AGPS: variants seen among roughly 807,000 people sequenced by gnomAD.
AGPS encodes the protein alkyldihydroxyacetonephosphate synthase, peroxisomal.
In AGPS, 26 loss-of-function variants were observed where a neutral mutation model predicts 90.7. The observed-to-expected ratio is 0.29, with a 90% CI of 0.21 to 0.40. The LOEUF (loss-of-function observed/expected upper bound fraction) is 0.40, where lower values mean the gene tolerates loss of function less well. Among genes scored for constraint, AGPS ranks in the 10% least tolerant of loss-of-function variants. AGPS has a pLI of 1.00. For synonymous variants in AGPS, 294 were observed against 285.3 expected (o/e 1.03, Z -0.31); for missense variants, 540 against 816.1 (o/e 0.66, Z 4.12).
intron 19 of AGPS, among the ~76,000 whole-genome samples, chr2:177,535,894 G>A (rs1002344502): frequency 1.3e-5 from 2 of 151,872 alleles, no homozygotes; most frequent in Admixed American, 6.6e-5. Context: ...TTTGTTGGCC[G>A]TACTGCCCTT....
chr2:177,471,944 G>A (rs1687635953), intron 10 of AGPS, among the ~76,000 whole-genome samples: 1 of 151,888 alleles, frequency 6.6e-6, no homozygotes, highest in African/African-American at 2.4e-5. Context: ...TTTTTGCCTG[G>A]AGGCCTTGAG....
chr2:177,491,270 AATTTTT>A (rs1688250836), intron 11 of AGPS, among the ~76,000 whole-genome samples: 1 of 45,362 alleles, frequency 2.2e-5, no homozygotes, highest in Admixed American at 3.2e-4. Flanking sequence ...AATCAGTAGG[AATTTTT>A]TTTTTTTTGA....
At chr2:177,532,621 C>G (rs1161062855) in intron 19 of AGPS, among the ~76,000 whole-genome samples, 1 of 152,060 alleles carries the variant, frequency 6.6e-6, no homozygotes, top group Non-Finnish European at 1.5e-5. Context: ...GCATTTGTAC[C>G]AGAGAAATGA....
Position 177,436,903 on chromosome 2 carries a change from G to A in AGPS, c.562+19G>A. The A allele has an allele frequency of 1.2e-6, 2 of 1,611,544 alleles. No individual in the cohort carries two copies. Among genetic ancestry groups the A allele is most frequent in the African/African-American group, 1.3e-5 (1 of 74,870 alleles). On this transcript the variant is annotated intron_variant, in intron 4 of 19. Transcript: ENST00000264167. ...GCTCATGGTAAGTTACTTTATATTA[G>A]CCCTATTTATTTTTAACAAAAAAAT...
chr2:177,492,677 C>A (rs1213463834), intron 11 of AGPS, among the ~76,000 whole-genome samples: 1 of 152,106 alleles, frequency 6.6e-6, no homozygotes, highest in Non-Finnish European at 1.5e-5. Flanking sequence ...TGTGGTTTGC[C>A]TGAAATAGTG....
At position 177,468,517 on chromosome 2, in the gene AGPS, A is replaced by C; in HGVS notation, c.1098A>C (p.Gly366=). Residue 366 remains glycine (G), a synonymous_variant, in exon 10 of 20, where the codon GGA becomes GGC. Coordinates refer to ENST00000264167, the MANE Select transcript of AGPS (RefSeq NM_003659.4). The stretch of plus-strand genomic sequence containing the variant: ...CTGATATCCATCACTTCATCATGGG[A>C]TCTGAAGGTAAATATAACTGTAAAT... The part of the protein sequence containing the change: ...TGPDIHHFIM[G]SEGTLGVITE... 6.2e-7 allele frequency: 1 copy of C among 1,606,670 alleles called. No individual in the cohort carries two copies. Among genetic ancestry groups the C allele is most frequent in the Non-Finnish European group, 8.5e-7 (1 of 1,173,736 alleles).
intron 2 of AGPS, among the ~76,000 whole-genome samples, chr2:177,429,126 T>C (rs1469129802): frequency 6.6e-6 from 1 of 152,192 alleles, no homozygotes; most frequent in Non-Finnish European, 1.5e-5. Context: ...GATTGCATTG[T>C]GAATTTCTTG....
chr2:177,396,386 T>C (rs887438056), intron 1 of AGPS, among the ~76,000 whole-genome samples: 1 of 152,194 alleles, frequency 6.6e-6, no homozygotes, highest in Non-Finnish European at 1.5e-5. Flanking sequence ...ATGGAACTTA[T>C]ATTCTAGCTG....
intron 16 of AGPS, among the ~76,000 whole-genome samples, chr2:177,509,395 G>C (rs1211509824): frequency 6.6e-6 from 1 of 152,130 alleles, no homozygotes; most frequent in Admixed American, 6.5e-5. Flanking sequence ...GGCTGGGCGC[G>C]GTGGCTCACG....
rs542886968 is a variant in AGPS at position 177,459,659 on chromosome 2, C to A, written c.871-2234C>A. ...GTTAGAATGGCAATCATTAAAAAAT[C>A]AAGAAACAACATATGCTGGAGAGGT... On this transcript the variant is annotated intron_variant, in intron 8 of 19. Coordinates refer to ENST00000264167, the MANE Select transcript of AGPS (RefSeq NM_003659.4). 7.2e-5 allele frequency among the ~76,000 whole-genome samples: 11 copies of A among 152,258 alleles called. No individual in the cohort carries two copies. In the East Asian group the frequency reaches 1.2e-3, roughly 16 times the overall value.
chr2:177,456,713 G>A (rs1016158228), intron 8 of AGPS, among the ~76,000 whole-genome samples: 74 of 152,004 alleles, frequency 4.9e-4, no homozygotes, highest in Admixed American at 1.7e-3. Context: ...CAAATTAATC[G>A]TATATATAAT....
At chr2:177,436,193 T>G (rs926674389) in intron 3 of AGPS, among the ~76,000 whole-genome samples, 1 of 120,028 alleles carries the variant, frequency 8.3e-6, no homozygotes, top group Non-Finnish European at 1.6e-5. Context: ...CAGAGCTCTG[T>G]CGCTCTGGAG....
chr2:177,469,120 T>A (rs1416810969), intron 10 of AGPS, among the ~76,000 whole-genome samples: 1 of 152,088 alleles, frequency 6.6e-6, no homozygotes, highest in Non-Finnish European at 1.5e-5. Context: ...AACCTTAAAA[T>A]AATTATTATG....
intron 1 of AGPS, among the ~76,000 whole-genome samples, chr2:177,418,420 C>T (rs111247573): frequency 1.3e-5 from 2 of 152,116 alleles, no homozygotes; most frequent in South Asian, 2.1e-4. Flanking sequence ...AAATGATTTT[C>T]GTTGTTAAGC....
In AGPS at chr2:177,538,226, A is replaced by T; in HGVS notation, c.*31A>T. The T allele has an allele frequency of 6.5e-7, 1 of 1,544,898 alleles. No individual in the cohort carries two copies. The highest frequency in any genetic ancestry group is 8.9e-7 in the Non-Finnish European group (1 of 1,127,320). On this transcript the variant is annotated 3_prime_UTR_variant, in exon 20 of 20. Coordinates refer to ENST00000264167, the MANE Select transcript of AGPS (RefSeq NM_003659.4). ...TTAGTACCATTACAAAAAAATGTCA[A>T]TTTTTTTTTTAAGTTTTCAACTGTG... is the stretch of plus-strand genomic sequence containing the variant.
chr2:177,521,227 A>G, intron 17 of AGPS, 42 bp from the exon 18 acceptor site: 1 of 1,524,600 alleles, frequency 6.6e-7, no homozygotes, highest in Non-Finnish European at 9.1e-7. Flanking sequence ...ATCTGATTTC[A>G]CTTAACTTAA....
rs536461905 is a variant in AGPS, at chr2:177,542,845, A to T, written c.*4650A>T. On this transcript the variant is annotated 3_prime_UTR_variant, in exon 20 of 20. Coordinates refer to ENST00000264167, the MANE Select transcript of AGPS (RefSeq NM_003659.4). ...CAAAAGCTCACAGTGCCTTGTTGGG[A>T]TTTTTTTTTTCCATGAACTAGCCAT... 6.6e-6 allele frequency: 1 copy of T among 150,416 alleles called. No individual in the cohort carries two copies. Among genetic ancestry groups the T allele is most frequent in the East Asian group, 1.9e-4 (1 of 5,144 alleles). 9.3% of individuals were successfully genotyped at this position (150,416 alleles called of 1,614,324 possible).
intron 10 of AGPS, among the ~76,000 whole-genome samples, chr2:177,479,569 A>G (rs1687883508): frequency 1.3e-5 from 2 of 152,244 alleles, no homozygotes; most frequent in African/African-American, 4.8e-5. Context: ...ATACTATACA[A>G]TGGAATAATA....
rs540665058 is a variant in AGPS at position 177,467,087 on chromosome 2, A to G, written c.997-1329A>G. ...GCCCTGGTCATGCCACCCCCACTGC[A>G]GCCAATGTCTTTGCAGCAGCCACTC... is the stretch of plus-strand genomic sequence containing the variant. On this transcript the variant is annotated intron_variant, in intron 9 of 19. Coordinates refer to ENST00000264167, the MANE Select transcript of AGPS (RefSeq NM_003659.4). Among the ~76,000 whole-genome samples, 3 of 144,808 alleles carry G rather than the reference A, an allele frequency of 2.1e-5. No homozygotes were observed. The East Asian group carries it at 5.9e-4, about 28-fold the overall frequency. The allele number at this position is 144,808 out of a possible 152,430, so 95.0% of individuals were successfully genotyped here. A position where few individuals can be genotyped will look rare whatever the true frequency, so the allele number is the denominator to read the frequency against.
Sources: gnomAD v4.1 joint callset for allele counts (sites outside exome capture counted in the v4.1 genomes callset) on GRCh38, gnomAD v4.1.1 for gene constraint, MANE v1.5 for transcripts, NCBI Gene and HGNC (gene_info 2026-07-23, HGNC 2026-07-21) for gene names.